Variants in SNRPN observed in about 807,000 individuals in gnomAD.
The protein encoded by SNRPN is small nuclear ribonucleoprotein polypeptide N.
SNRPN carries 7 observed loss-of-function variants against 25.2 expected under a neutral mutation model. The ratio of observed to expected loss-of-function variants is 0.28; its 90% CI spans 0.16 to 0.52. SNRPN has a LOEUF of 0.52. Ranked by LOEUF, SNRPN falls within the 20% of genes least tolerant of loss-of-function variation. The pLI, the probability that SNRPN is intolerant of heterozygous loss-of-function variation, is 0.96. For missense variants in SNRPN, 196 were observed against 322.5 expected (o/e 0.61, Z 3.00); for synonymous variants, 124 against 110.6 (o/e 1.12, Z -0.76).
chr15:24,879,680 G>A lies in SNRPN; in HGVS notation c.-578-6836G>A, dbSNP rs75055017. Among the ~76,000 whole-genome samples, 232 of 152,224 alleles carry A rather than the reference G, an allele frequency of 1.5e-3. 1 individual carries two copies. Among genetic ancestry groups the A allele is most frequent in the African/African-American group, 5.3e-3 (219 of 41,548 alleles). ...TCACATATTTTTTTGTTTGCATATG[G>A]CCTGAGGGTCAAATTCTGCCCAGCA... On this transcript the variant is annotated intron_variant, in intron 1 of 11. Transcript: ENST00000400097.
chr15:24,974,139 G>T, intron 3 of SNRPN, 172 bp from the exon 4 acceptor site: 1 of 366,156 alleles, frequency 2.7e-6, no homozygotes, highest in East Asian at 5.2e-5. Context: ...TGTCAAATGT[G>T]AGAGTTAAGA....
chr15:24,898,584 T>TAA (rs75837948), intron 2 of SNRPN, among the ~76,000 whole-genome samples: 1 of 142,474 alleles, frequency 7.0e-6, no homozygotes. Flanking sequence ...GAGATCTGTC[T>TAA]AAAAAAAAAA....
chr15:24,920,850 G>A (rs2152542471), intron 3 of SNRPN, among the ~76,000 whole-genome samples: 1 of 152,348 alleles, frequency 6.6e-6, no homozygotes, highest in African/African-American at 2.4e-5. Context: ...AGTCCCAGCA[G>A]TGAAGCGAAG....
At chr15:24,962,806 T>G (rs939530140) in intron 2 of SNRPN, among the ~76,000 whole-genome samples, 3 of 152,190 alleles carry the variant, frequency 2.0e-5, no homozygotes, top group Non-Finnish European at 2.9e-5. Context: ...ACATTGAAAC[T>G]TTGGCATTTT....
chr15:24,828,875 T>C (rs1261512552), intron 1 of SNRPN, among the ~76,000 whole-genome samples: 1 of 151,914 alleles, frequency 6.6e-6, no homozygotes, highest in African/African-American at 2.4e-5. Flanking sequence ...TAGGTGCAGA[T>C]GATAGAGCAG....
chr15:24,903,693 G>T (rs1161009884), intron 2 of SNRPN, among the ~76,000 whole-genome samples: 2 of 152,172 alleles, frequency 1.3e-5, no homozygotes, highest in African/African-American at 4.8e-5. Context: ...AGCTGCTAGG[G>T]ATATTACTGA....
At chr15:24,862,842 A>T (rs1018640635) in intron 1 of SNRPN, among the ~76,000 whole-genome samples, 1 of 150,510 alleles carries the variant, frequency 6.6e-6, no homozygotes, top group Admixed American at 6.6e-5. Flanking sequence ...AAGAGGAAAC[A>T]GTGTGTCTGG....
rs538410216 is a variant in SNRPN, at chr15:24,932,369, G to A, written c.-391+12245G>A. 3.3e-5 allele frequency among the ~76,000 whole-genome samples: 5 copies of A among 152,162 alleles called. No individual in the cohort carries two copies. The South Asian group carries it at 1.0e-3, about 32-fold the overall frequency. On this transcript the variant is annotated intron_variant, in intron 3 of 11. Transcript: ENST00000400097. ...CCTGCCTCAGCCTCCCGAGGAGCTG[G>A]CATTACAGGTGCTCGCCACCACGAC... is the stretch of plus-strand genomic sequence containing the variant.
At chr15:24,917,988 A>G (rs1046336008) in intron 2 of SNRPN, among the ~76,000 whole-genome samples, 3 of 152,182 alleles carry the variant, frequency 2.0e-5, no homozygotes, top group Admixed American at 6.5e-5. Context: ...TAGAAAAATC[A>G]TTTATGGGCA....
intron 2 of SNRPN, among the ~76,000 whole-genome samples, chr15:24,887,296 C>T (rs145511239): frequency 0.041 from 6,185 of 151,928 alleles, 141 homozygotes; most frequent in Non-Finnish European, 0.047. Flanking sequence ...TACAGGCATG[C>T]GCCACCATGC....
chr15:24,885,447 G>A (rs1380363639), intron 1 of SNRPN, among the ~76,000 whole-genome samples: 1 of 152,138 alleles, frequency 6.6e-6, no homozygotes, highest in East Asian at 1.9e-4. Flanking sequence ...GATGGCATGA[G>A]TATCTTTGGC....
intron 1 of SNRPN, among the ~76,000 whole-genome samples, chr15:24,828,824 TA>T (rs1042838986): frequency 1.3e-5 from 2 of 152,126 alleles, no homozygotes; most frequent in African/African-American, 4.8e-5. Context: ...ATTGTTCGTT[TA>T]AAAGGGCAAA....
At position 24,848,002 on chromosome 15, in the gene SNRPN, T is replaced by G. The variant is rs1018349913; in HGVS notation, c.-579+18097T>G. Among the ~76,000 whole-genome samples the G allele has an allele frequency of 3.3e-5, 5 of 151,986 alleles. No homozygotes were observed. In the South Asian group the frequency reaches 8.3e-4, roughly 25 times the overall value. The stretch of plus-strand genomic sequence containing the variant: ...GACTAAAGCCTTGATGGGTTATTAT[T>G]ACATAAAACGTTTTCCACTCTGATG... On this transcript the variant is annotated intron_variant, in intron 2 of 12. Transcript: ENST00000400100.
At chr15:24,825,414 G>C (rs2050014786) in intron 1 of SNRPN, among the ~76,000 whole-genome samples, 1 of 152,024 alleles carries the variant, frequency 6.6e-6, no homozygotes. Flanking sequence ...GAAACAAATA[G>C]AGGAGATAAG....
intron 2 of SNRPN, among the ~76,000 whole-genome samples, chr15:24,888,842 T>G (rs2057403607): frequency 6.6e-6 from 1 of 152,232 alleles, no homozygotes; most frequent in Non-Finnish European, 1.5e-5. Flanking sequence ...AAGCAGCAAG[T>G]AAGTTCATCA....
intron 1 of SNRPN, among the ~76,000 whole-genome samples, chr15:24,877,497 C>T (rs763125657): frequency 6.6e-5 from 10 of 152,204 alleles, no homozygotes; most frequent in Non-Finnish European, 1.5e-4. Flanking sequence ...TGTTTTAAAA[C>T]TTAAACATAA....
chr15:24,882,105 T>A (rs2056753669), intron 1 of SNRPN, among the ~76,000 whole-genome samples: 1 of 152,190 alleles, frequency 6.6e-6, no homozygotes, highest in Admixed American at 6.6e-5. Context: ...GCTGTAGGTG[T>A]CCTGCTAATT....
chr15:24,904,432 A>C (rs1314409796), intron 2 of SNRPN, among the ~76,000 whole-genome samples: 1 of 152,184 alleles, frequency 6.6e-6, no homozygotes, highest in African/African-American at 2.4e-5. Context: ...AGGCGGGTGG[A>C]TCACCTGAGG....
chr15:24,967,635 C>CT (rs1402035581), intron 2 of SNRPN, among the ~76,000 whole-genome samples: 1 of 135,300 alleles, frequency 7.4e-6, no homozygotes, highest in African/African-American at 2.8e-5. Context: ...GAGTGAGACT[C>CT]TGTCTTAAAA....
Sources: gnomAD v4.1 joint callset for allele counts (sites outside exome capture counted in the v4.1 genomes callset) on GRCh38, gnomAD v4.1.1 for gene constraint, MANE v1.5 for transcripts, NCBI Gene and HGNC (gene_info 2026-07-23, HGNC 2026-07-21) for gene names.